The following VAV2 variants were observed in gnomAD, a reference collection of about 807,000 sequenced individuals.
VAV2 encodes the protein vav guanine nucleotide exchange factor 2.
A neutral mutation model predicts 132.5 loss-of-function variants in VAV2; 67 were observed. The observed-to-expected ratio is 0.51, with a 90% CI of 0.42 to 0.62. The LOEUF is 0.62. VAV2 is among the 20% of genes least tolerant of loss of function. VAV2 has a pLI of 0.00. For synonymous variants in VAV2, 492 were observed against 443.5 expected, an observed-to-expected ratio of 1.11 and a Z score of -1.37; for missense variants, 938 against 1,153.6, an observed-to-expected ratio of 0.81 and a Z score of 2.71.
chr9:133,872,066 G>A lies in VAV2; in HGVS notation c.322-10634C>T, dbSNP rs374238455. On this transcript the variant is annotated intron_variant, in intron 2 of 29. Coordinates refer to ENST00000371850, the MANE Select transcript of VAV2 (RefSeq NM_001134398.2). The stretch of plus-strand genomic sequence containing the variant: ...CAGGACTCTCAGGCACTGGCACAGA[G>A]GGCAGACCTGAAAATCCTTGTGAGC... Among the ~76,000 whole-genome samples the A allele has an allele frequency of 6.2e-4, 95 of 152,358 alleles. 1 individual carries two copies. The South Asian group carries it at 0.014, about 23-fold the overall frequency.
intron 2 of VAV2, among the ~76,000 whole-genome samples, chr9:133,873,739 T>G (rs1347596453): frequency 6.6e-6 from 1 of 152,168 alleles, no homozygotes; most frequent in Non-Finnish European, 1.5e-5. Flanking sequence ...GGGGGGAATT[T>G]CCCGTCCTTC....
At chr9:133,913,338 G>A (rs1295639653) in intron 2 of VAV2, among the ~76,000 whole-genome samples, 2 of 152,202 alleles carry the variant, frequency 1.3e-5, no homozygotes, top group African/African-American at 2.4e-5. Context: ...AGGTGGGAAC[G>A]ATCGCAGGCA....
At chr9:133,888,990 G>T (rs565268875) in intron 2 of VAV2, among the ~76,000 whole-genome samples, 16 of 152,308 alleles carry the variant, frequency 1.1e-4, no homozygotes, top group Non-Finnish European at 1.5e-4. Flanking sequence ...TGCCAGGGGG[G>T]CAGGGACACC....
At chr9:133,793,781 A>G (rs1321503273) in intron 12 of VAV2, among the ~76,000 whole-genome samples, 2 of 152,178 alleles carry the variant, frequency 1.3e-5, no homozygotes, top group African/African-American at 2.4e-5. Flanking sequence ...TCAGGCCCAC[A>G]GCGGCACGGG....
chr9:133,776,147 G>T, intron 23 of VAV2, 67 bp from the exon 24 acceptor site: 3 of 1,581,184 alleles, frequency 1.9e-6, no homozygotes, highest in Non-Finnish European at 8.6e-7. Context: ...CTCAGAGGGG[G>T]TCATTGTCAG....
chr9:133,981,076 G>C (rs919293470), intron 1 of VAV2, among the ~76,000 whole-genome samples: 13 of 152,126 alleles, frequency 8.5e-5, no homozygotes, highest in Non-Finnish European at 1.6e-4. Context: ...CCCCATCTTC[G>C]CCCAGTCAAA....
intron 1 of VAV2, among the ~76,000 whole-genome samples, chr9:133,946,892 G>C (rs551601987): frequency 6.6e-6 from 1 of 152,172 alleles, no homozygotes; most frequent in Non-Finnish European, 1.5e-5. Flanking sequence ...AGGTGCTCAC[G>C]GAGACAGGAG....
chr9:133,768,320 G>C lies in VAV2; in HGVS notation c.2589+122C>G. ...GGCTGCTGTGAGGATGAGGGAGATT[G>C]CAGAGGGTGTCTGGAACAGGGCCTG... is the stretch of plus-strand genomic sequence containing the variant. On this transcript the variant is annotated intron_variant, in intron 29 of 29. Coordinates refer to ENST00000371850, the MANE Select transcript of VAV2 (RefSeq NM_001134398.2). This position sits in a 1 kb window ranked among gnomAD's most constrained non-coding sequence, Gnocchi z 5.3. The C allele has an allele frequency of 5.2e-6, 7 of 1,357,920 alleles. No individual in the cohort carries two copies. The highest frequency in any genetic ancestry group is 6.0e-6 in the Non-Finnish European group (6 of 1,007,820). 84.1% of individuals were successfully genotyped at this position (1,357,920 alleles called of 1,614,324 possible).
chr9:133,862,179 G>T (rs73555919), intron 2 of VAV2, among the ~76,000 whole-genome samples: 1 of 152,238 alleles, frequency 6.6e-6, no homozygotes, highest in African/African-American at 2.4e-5. Context: ...GCCTCCTCTG[G>T]ATAGGCAGGA....
At chr9:133,932,266 A>C (rs779476948) in intron 2 of VAV2, among the ~76,000 whole-genome samples, 2 of 152,220 alleles carry the variant, frequency 1.3e-5, no homozygotes, top group Non-Finnish European at 2.9e-5. Flanking sequence ...AGAGGAAAAC[A>C]GGAAAGGATC....
rs1833543717 is a variant in VAV2, at chr9:133,769,467, G to A, written c.2384C>T (p.Pro795Leu). ...CASYNFSFLS[P>L]QGLSFASQGP... The stretch of plus-strand genomic sequence containing the variant: ...CTGAGAAGCAAAGCTGAGGCCCTGA[G>A]GACTGAGAAAAGAAAAGTTGTAGGA... Residue 795 changes from proline (P) to leucine (L), a missense_variant, in exon 28 of 30, where the codon CCT becomes CTT. Transcript: ENST00000371850. This position sits in a 1 kb window ranked among gnomAD's most constrained non-coding sequence, Gnocchi z 8.1. 6.2e-7 allele frequency: 1 copy of A among 1,613,134 alleles called. No homozygotes were observed. The highest frequency in any genetic ancestry group is 8.5e-7 in the Non-Finnish European group (1 of 1,179,578).
At chr9:133,980,704 A>G (rs1221059672) in intron 1 of VAV2, among the ~76,000 whole-genome samples, 1 of 152,220 alleles carries the variant, frequency 6.6e-6, no homozygotes, top group East Asian at 1.9e-4. Flanking sequence ...CGAGCTCTGC[A>G]GTGAGCGGCA....
intron 3 of VAV2, among the ~76,000 whole-genome samples, chr9:133,860,630 C>T (rs1837557490): frequency 1.3e-5 from 2 of 152,134 alleles, no homozygotes; most frequent in African/African-American, 4.8e-5. Flanking sequence ...ATCCTCGCTG[C>T]TCTCAGGCCA....
chr9:133,773,006 C>T (rs1833687814), intron 25 of VAV2, among the ~76,000 whole-genome samples: 1 of 143,924 alleles, frequency 6.9e-6, no homozygotes, highest in Admixed American at 6.9e-5. Context: ...ACTGCACACC[C>T]CACACCTAGG....
intron 4 of VAV2, among the ~76,000 whole-genome samples, chr9:133,832,389 G>C (rs1836296966): frequency 6.6e-6 from 1 of 152,202 alleles, no homozygotes; most frequent in Non-Finnish European, 1.5e-5. Context: ...TGCAGACTCT[G>C]CTGGGGGTTG....
intron 27 of VAV2, among the ~76,000 whole-genome samples, chr9:133,770,113 G>T (rs1833566956): frequency 6.6e-6 from 1 of 152,200 alleles, no homozygotes; most frequent in Non-Finnish European, 1.5e-5. Context: ...CCTGGACCTG[G>T]CCCCTCCAAC....
chr9:133,901,094 C>T (rs1359396906), intron 2 of VAV2, among the ~76,000 whole-genome samples: 2 of 150,684 alleles, frequency 1.3e-5, no homozygotes, highest in East Asian at 3.8e-4. Flanking sequence ...GCCACCGTGC[C>T]CAGCCTCTCC....
In VAV2 at chr9:133,968,424, G is replaced by A. The variant is rs374858679; in HGVS notation, c.204+23651C>T. Among the ~76,000 whole-genome samples the A allele has an allele frequency of 1.8e-4, 27 of 152,238 alleles. 1 individual carries two copies. The highest frequency in any genetic ancestry group is 8.3e-4 in the South Asian group (4 of 4,820). On this transcript the variant is annotated intron_variant, in intron 1 of 29. Coordinates refer to ENST00000371850, the MANE Select transcript of VAV2 (RefSeq NM_001134398.2). ...ATACATTTGAAAAGGTTGTGGGGGG[G>A]AAAAACACCACCAAAAGGCAAGAGA... is the stretch of plus-strand genomic sequence containing the variant.
At chr9:133,989,848 C>A (rs1199896149) in intron 1 of VAV2, among the ~76,000 whole-genome samples, 1 of 152,246 alleles carries the variant, frequency 6.6e-6, no homozygotes, top group African/African-American at 2.4e-5. Flanking sequence ...GTTAAGGGAG[C>A]ATCTGCAGCC....
Sources: allele counts gnomAD v4.1 joint callset (sites outside exome capture counted in the v4.1 genomes callset), GRCh38; gene constraint gnomAD v4.1.1; non-coding constraint Gnocchi (gnomAD v3.1); transcripts MANE v1.5; gene names NCBI Gene and HGNC (gene_info 2026-07-23, HGNC 2026-07-21).